Variants in PRKN observed in about 807,000 individuals in gnomAD.
PRKN encodes parkin RBR E3 ubiquitin protein ligase.
Under a neutral mutation model 59.5 loss-of-function variants are expected in PRKN, and 56 were observed. The ratio of observed to expected loss-of-function variants is 0.94; its 90% CI spans 0.76 to 1.18. The LOEUF (loss-of-function observed/expected upper bound fraction) is 1.18. PRKN is among the 50% of genes most tolerant of loss of function. The pLI, the probability that PRKN is intolerant of heterozygous loss-of-function variation, is 0.00. For synonymous variants in PRKN, 250 were observed against 222.1 expected (o/e 1.13, Z -1.12); for missense variants, 657 against 596.4 (o/e 1.10, Z -1.06).
rs1018679724 is a variant in PRKN at position 161,871,815 on chromosome 6, A to T, written c.735-85907T>A. Among the ~76,000 whole-genome samples the T allele has an allele frequency of 2.0e-5, 3 of 152,224 alleles. No homozygotes were observed. The South Asian group carries it at 6.2e-4, about 32-fold the overall frequency. On this transcript the variant is annotated intron_variant, in intron 6 of 11. Coordinates refer to ENST00000366898, the MANE Select transcript of PRKN (RefSeq NM_004562.3). ...AGCTGGTGTAGTCTGTGTTCAGAAT[A>T]CTTAACATATCTGTGCTATAAAACT...
chr6:162,568,995 GA>G, intron 1 of PRKN: 1 of 689,170 alleles, frequency 1.5e-6, no homozygotes, highest in Non-Finnish European at 2.6e-6. Flanking sequence ...GCAGCTGTAT[GA>G]AGAGGAGACC....
intron 4 of PRKN, among the ~76,000 whole-genome samples, chr6:162,096,725 C>T (rs1402659271): frequency 6.6e-6 from 1 of 151,470 alleles, no homozygotes; most frequent in Non-Finnish European, 1.5e-5. Flanking sequence ...CACCTTCTGC[C>T]ATGATTGGGA....
intron 2 of PRKN, among the ~76,000 whole-genome samples, chr6:162,364,962 CCTCTCT>C (rs537201683): frequency 2.0e-4 from 29 of 143,874 alleles, no homozygotes; most frequent in African/African-American, 3.9e-4. Context: ...CTCTCTTCTC[CCTCTCT>C]CTCTCTCTCT....
chr6:161,964,219 G>C (rs1438674817), intron 6 of PRKN, among the ~76,000 whole-genome samples: 3 of 152,022 alleles, frequency 2.0e-5, no homozygotes, highest in Admixed American at 2.0e-4. Flanking sequence ...TTTTTTTAAT[G>C]TGATAGATTC....
intron 3 of PRKN, among the ~76,000 whole-genome samples, chr6:162,252,769 ACTGACTCAT>A (rs1395245125): frequency 6.6e-6 from 1 of 152,254 alleles, no homozygotes; most frequent in Non-Finnish European, 1.5e-5. Flanking sequence ...CTTATAAGCC[ACTGACTCAT>A]TTTGTATTTT....
At chr6:161,686,597 T>C (rs1785565838) in intron 7 of PRKN, among the ~76,000 whole-genome samples, 1 of 152,230 alleles carries the variant, frequency 6.6e-6, no homozygotes. Flanking sequence ...ACTCCTTAGA[T>C]TTGAATTAAA....
At chr6:162,726,157 G>A (rs148476555) in intron 1 of PRKN, among the ~76,000 whole-genome samples, 3 of 152,240 alleles carry the variant, frequency 2.0e-5, no homozygotes, top group Non-Finnish European at 4.4e-5. Flanking sequence ...TTATAACTGA[G>A]TAATGTTCTT....
chr6:162,169,386 A>G (rs1783148263), intron 4 of PRKN, among the ~76,000 whole-genome samples: 1 of 152,204 alleles, frequency 6.6e-6, no homozygotes, highest in Non-Finnish European at 1.5e-5. Flanking sequence ...ACAGTTATAA[A>G]TCATAAATAA....
At chr6:161,971,050 C>A (rs112685578) in intron 6 of PRKN, among the ~76,000 whole-genome samples, 3 of 152,072 alleles carry the variant, frequency 2.0e-5, no homozygotes, top group African/African-American at 7.2e-5. Context: ...CGAGAAGGGA[C>A]CTTATTCAAT....
In PRKN at chr6:162,554,105, G is replaced by A. The variant is rs145422612; in HGVS notation, c.8-110632C>T. ...CGACTCTGTTACACTGAGAGTGTTCGATGAGAATAGAGTAGAAGAAAATGT... is the reference window on the plus strand; with the variant it reads ...CGACTCTGTTACACTGAGAGTGTTCAATGAGAATAGAGTAGAAGAAAATGT... On this transcript the variant is annotated intron_variant, in intron 1 of 11. Coordinates refer to ENST00000366898, the MANE Select transcript of PRKN (RefSeq NM_004562.3). 8.3e-3 allele frequency among the ~76,000 whole-genome samples: 1,267 copies of A among 152,328 alleles called. 6 individuals are homozygous for A. Among genetic ancestry groups the A allele is most frequent in the Non-Finnish European group, 0.014 (970 of 68,034 alleles).
At chr6:162,685,856 G>A (rs1412176337) in intron 1 of PRKN, among the ~76,000 whole-genome samples, 1 of 152,094 alleles carries the variant, frequency 6.6e-6, no homozygotes, top group Non-Finnish European at 1.5e-5. Flanking sequence ...CCCTCTCAGT[G>A]GATGTCAAGT....
At chr6:161,706,517 C>A (rs1429966213) in intron 7 of PRKN, among the ~76,000 whole-genome samples, 1 of 152,206 alleles carries the variant, frequency 6.6e-6, no homozygotes, top group African/African-American at 2.4e-5. Flanking sequence ...ATGCAACTGG[C>A]ACGCAGGAAG....
At chr6:162,560,853 C>A (rs373998794) in intron 1 of PRKN, among the ~76,000 whole-genome samples, 287 of 56,478 alleles carry the variant, frequency 5.1e-3, no homozygotes, top group South Asian at 0.011. Flanking sequence ...GAGAGAGAGG[C>A]AAAAAAAAAA....
At chr6:161,775,873 A>AT (rs758849218) in intron 7 of PRKN, among the ~76,000 whole-genome samples, 52 of 152,228 alleles carry the variant, frequency 3.4e-4, no homozygotes, top group Non-Finnish European at 2.1e-4. Context: ...ACCAAGAAGC[A>AT]TAACGGACTA....
intron 1 of PRKN, among the ~76,000 whole-genome samples, chr6:162,601,229 C>T (rs141069320): frequency 1.4e-3 from 215 of 152,096 alleles, no homozygotes; most frequent in African/African-American, 4.7e-3. Flanking sequence ...GGCCCCACCC[C>T]GATGACCTTA....
Position 161,369,076 on chromosome 6 carries a change from G to A in PRKN, c.1168-8871C>T, listed in dbSNP as rs1434886342. 6.6e-6 allele frequency among the ~76,000 whole-genome samples: 1 copy of A among 152,130 alleles called. No individual in the cohort carries two copies. The highest frequency in any genetic ancestry group is 1.5e-5 in the Non-Finnish European group (1 of 68,028). Reference sequence around the variant, plus strand: ...GCTCTATGACACCCCGGGAGTGGGCGGTGCCCAGGCCACTGGTTTAGACCT... The same window carrying A: ...GCTCTATGACACCCCGGGAGTGGGCAGTGCCCAGGCCACTGGTTTAGACCT... On this transcript the variant is annotated intron_variant, in intron 10 of 11. Coordinates refer to ENST00000366898, the MANE Select transcript of PRKN (RefSeq NM_004562.3). The surrounding 1 kb of genome is among the most constrained non-coding windows in gnomAD (Gnocchi z 5.8).
intron 1 of PRKN, among the ~76,000 whole-genome samples, chr6:162,496,110 A>G (rs763756613): frequency 2.6e-5 from 4 of 151,964 alleles, no homozygotes; most frequent in Non-Finnish European, 5.9e-5. Context: ...GGTGGCGAGC[A>G]CCTGTAATCC....
intron 1 of PRKN, among the ~76,000 whole-genome samples, chr6:162,641,500 A>G (rs1462282051): frequency 6.6e-6 from 1 of 152,036 alleles, no homozygotes; most frequent in African/African-American, 2.4e-5. Flanking sequence ...CAAACAGAAG[A>G]AGGCACACAA....
intron 3 of PRKN, among the ~76,000 whole-genome samples, chr6:162,221,684 A>C (rs761851666): frequency 2.0e-5 from 3 of 152,202 alleles, no homozygotes; most frequent in Non-Finnish European, 4.4e-5. Flanking sequence ...AGATGATTGA[A>C]AAATGTATGA....
Sources: gnomAD v4.1 joint callset for allele counts (sites outside exome capture counted in the v4.1 genomes callset) on GRCh38, gnomAD v4.1.1 for gene constraint, Gnocchi (gnomAD v3.1) non-coding constraint, MANE v1.5 for transcripts, NCBI Gene and HGNC (gene_info 2026-07-23, HGNC 2026-07-21) for gene names.